Variants in PTPRT observed in about 807,000 individuals in gnomAD.
PTPRT encodes the protein receptor-type tyrosine-protein phosphatase T.
PTPRT carries 56 observed loss-of-function variants against 176.8 expected under a neutral mutation model. The observed-to-expected ratio is 0.32, with a 90% CI of 0.26 to 0.40. The LOEUF is 0.40. PTPRT is among the 10% of genes least tolerant of loss of function. The pLI is 1.00. For synonymous variants in PTPRT, 783 were observed against 739.0 expected (o/e 1.06, Z -0.96); for missense variants, 1,540 against 1,908.2 (o/e 0.81, Z 3.60).
intron 15 of PTPRT, among the ~76,000 whole-genome samples, chr20:42,211,356 G>A (rs1470712251): frequency 2.0e-5 from 3 of 150,824 alleles, no homozygotes; most frequent in African/African-American, 7.3e-5. Flanking sequence ...AGAGTGAACG[G>A]GCAACCTACA....
chr20:42,099,027 C>T (rs959750108), intron 26 of PTPRT, among the ~76,000 whole-genome samples: 1 of 152,210 alleles, frequency 6.6e-6, no homozygotes, highest in Non-Finnish European at 1.5e-5. Context: ...GCTGAGTTGC[C>T]CTGGCAAGGT....
chr20:43,137,526 G>T (rs1325262724), intron 1 of PTPRT, among the ~76,000 whole-genome samples: 2 of 152,178 alleles, frequency 1.3e-5, no homozygotes, highest in East Asian at 3.9e-4. Flanking sequence ...CAAAAGAACA[G>T]GAAGATGGAT....
In PTPRT at chr20:43,031,332, C is replaced by T. The variant is rs546936914; in HGVS notation, c.89-145400G>A. Among the ~76,000 whole-genome samples, 12 of 152,278 alleles carry T rather than the reference C, an allele frequency of 7.9e-5. No individual in the cohort carries two copies. In the South Asian group the frequency reaches 2.5e-3, roughly 32 times the overall value. ...GGCAGCTGTTGGCATCCACTACACA[C>T]CCTCACACGGAACAACAACTTGCCT... On this transcript the variant is annotated intron_variant, in intron 1 of 30. Coordinates refer to ENST00000373187, the MANE Select transcript of PTPRT (RefSeq NM_007050.6).
At chr20:42,394,489 A>C (rs2058829970) in intron 9 of PTPRT, among the ~76,000 whole-genome samples, 1 of 152,200 alleles carries the variant, frequency 6.6e-6, no homozygotes, top group African/African-American at 2.4e-5. Flanking sequence ...CTTCTGACCA[A>C]GAGGACGGCC....
intron 12 of PTPRT, among the ~76,000 whole-genome samples, chr20:42,305,479 C>CTTTTTTTTTTTTTTTTTTTTTT (rs1568757512): frequency 2.0e-5 from 3 of 152,034 alleles, no homozygotes; most frequent in Admixed American, 6.6e-5. Context: ...ATGCTGAATT[C>CTTTTTTTTTTTTTTTTTTTTTT]TTGTTCTGTA....
At chr20:42,721,333 G>A (rs2076299188) in intron 6 of PTPRT, among the ~76,000 whole-genome samples, 1 of 152,220 alleles carries the variant, frequency 6.6e-6, no homozygotes, top group African/African-American at 2.4e-5. Context: ...GTGAACTGGA[G>A]ATGAGATGGA....
chr20:42,478,228 C>A (rs773720555), intron 7 of PTPRT, among the ~76,000 whole-genome samples: 1 of 152,124 alleles, frequency 6.6e-6, no homozygotes, highest in East Asian at 1.9e-4. Flanking sequence ...GGGGAAGGGG[C>A]CACGGGCTGA....
intron 9 of PTPRT, among the ~76,000 whole-genome samples, chr20:42,382,941 T>C (rs2058710748): frequency 6.6e-6 from 1 of 152,160 alleles, no homozygotes; most frequent in African/African-American, 2.4e-5. Context: ...GGCAGTGCAG[T>C]ATGGAATTTA....
At chr20:43,018,775 A>T (rs1985498872) in intron 1 of PTPRT, among the ~76,000 whole-genome samples, 1 of 152,230 alleles carries the variant, frequency 6.6e-6, no homozygotes, top group Non-Finnish European at 1.5e-5. Context: ...TGGATTCAAA[A>T]CTTCAAGTTA....
intron 13 of PTPRT, among the ~76,000 whole-genome samples, chr20:42,269,633 A>G (rs1404318650): frequency 3.3e-5 from 5 of 152,184 alleles, no homozygotes; most frequent in African/African-American, 1.2e-4. Context: ...CACTTGAGGA[A>G]AGGGGCTGGT....
intron 1 of PTPRT, among the ~76,000 whole-genome samples, chr20:42,906,277 C>G (rs983297829): frequency 2.0e-5 from 3 of 152,112 alleles, no homozygotes; most frequent in African/African-American, 7.2e-5. Flanking sequence ...ATGCTGGAGG[C>G]TGACCGTCAA....
At chr20:42,179,474 T>TAAA (rs955609562) in intron 16 of PTPRT, among the ~76,000 whole-genome samples, 1 of 152,186 alleles carries the variant, frequency 6.6e-6, no homozygotes, top group Admixed American at 6.5e-5. Context: ...TTTACGCAGA[T>TAAA]AAAAAATCCA....
the PTPRT span, among the ~76,000 whole-genome samples, chr20:42,033,182 G>T: frequency 6.6e-6 from 1 of 152,090 alleles, no homozygotes; most frequent in South Asian, 2.1e-4. Flanking sequence ...CAGACATTTT[G>T]GTGGGTTATC....
intron 8 of PTPRT, among the ~76,000 whole-genome samples, chr20:42,461,546 C>A (rs1186032179): frequency 6.6e-6 from 1 of 152,012 alleles, no homozygotes; most frequent in Non-Finnish European, 1.5e-5. Context: ...AAAACAAAAA[C>A]AAAGAGGAGA....
At chr20:42,252,037 G>C (rs986621215) in intron 13 of PTPRT, among the ~76,000 whole-genome samples, 3 of 152,204 alleles carry the variant, frequency 2.0e-5, no homozygotes, top group Non-Finnish European at 4.4e-5. Context: ...CTCAGGTGAT[G>C]ACAGTGAAGA....
chr20:42,491,830 AC>A (rs1003800359), intron 7 of PTPRT, among the ~76,000 whole-genome samples: 1 of 152,098 alleles, frequency 6.6e-6, no homozygotes, highest in Non-Finnish European at 1.5e-5. Context: ...TTATAGACAC[AC>A]CCTTTCTCTC....
intron 7 of PTPRT, among the ~76,000 whole-genome samples, chr20:42,488,607 C>A (rs1269348137): frequency 6.6e-6 from 1 of 151,938 alleles, no homozygotes; most frequent in Admixed American, 6.6e-5. Context: ...TTTGTATATT[C>A]TAGGGGTTTT....
chr20:42,860,977 T>A (rs1410402142), intron 2 of PTPRT, among the ~76,000 whole-genome samples: 1 of 152,226 alleles, frequency 6.6e-6, no homozygotes. Context: ...CTAGGTCTTT[T>A]AAGGATGACG....
chr20:42,163,064 A>ACC (rs1258392828), intron 16 of PTPRT, among the ~76,000 whole-genome samples: 2 of 152,152 alleles, frequency 1.3e-5, no homozygotes, highest in Non-Finnish European at 2.9e-5. Context: ...TAATGCTTTC[A>ACC]CTTATATCTG....
Sources: gnomAD v4.1 joint callset for allele counts (sites outside exome capture counted in the v4.1 genomes callset) on GRCh38, gnomAD v4.1.1 for gene constraint, MANE v1.5 for transcripts, NCBI Gene and HGNC (gene_info 2026-07-23, HGNC 2026-07-21) for gene names.